The following ADGRG3 variants were observed in gnomAD, a reference collection of about 807,000 sequenced individuals.
ADGRG3 encodes adhesion G protein-coupled receptor G3, also known as G protein-coupled receptor 97.
In ADGRG3, 39 loss-of-function variants were observed where a neutral mutation model predicts 54.3. The observed-to-expected ratio is 0.72, with a 90% CI of 0.56 to 0.94. The LOEUF (loss-of-function observed/expected upper bound fraction) is 0.94, where lower values mean the gene tolerates loss of function less well. ADGRG3 is among the 40% of genes least tolerant of loss of function. The pLI, the probability that ADGRG3 is intolerant of heterozygous loss-of-function variation, is 0.00. For synonymous variants in ADGRG3, 312 were observed against 290.0 expected (o/e 1.08, Z -0.77); for missense variants, 654 against 694.6 (o/e 0.94, Z 0.66).
intron 8 of ADGRG3, among the ~76,000 whole-genome samples, chr16:57,681,375 T>TGTGC (rs1293950825): frequency 1.1e-5 from 1 of 94,554 alleles, no homozygotes; most frequent in African/African-American, 4.5e-5. Context: ...TGTGTGTGTG[T>TGTGC]GCGCGCGTGC....
chr16:57,666,382 T>C (rs2048059190), upstream of ADGRG3, among the ~76,000 whole-genome samples: 1 of 152,270 alleles, frequency 6.6e-6, no homozygotes, highest in South Asian at 2.1e-4. Context: ...AGTTCCATGC[T>C]GATCCTTTTA....
chr16:57,669,003 C>T lies in ADGRG3; in HGVS notation c.58+598C>T, dbSNP rs79966527. ...TGCGTCTCCAGAGGCCATGGAAGTG[C>T]CCGGGCCTTGCCTTTGCTGGCCTCT... On this transcript the variant is annotated intron_variant, in intron 1 of 11. Coordinates refer to ENST00000333493, the MANE Select transcript of ADGRG3 (RefSeq NM_170776.5). 9.1e-3 allele frequency among the ~76,000 whole-genome samples: 1,381 copies of T among 152,356 alleles called. 41 individuals carry two copies. Among genetic ancestry groups the T allele is most frequent in the African/African-American group, 0.032 (1,330 of 41,590 alleles).
chr16:57,679,321 C>T lies in ADGRG3; in HGVS notation c.627+10C>T, dbSNP rs1297356438. 2 of 1,613,298 alleles carry T rather than the reference C, an allele frequency of 1.2e-6. No homozygotes were observed. The highest frequency in any genetic ancestry group is 1.1e-5 in the South Asian group (1 of 91,080). ...CCAGCGACCGCCCCCTGTGAGTCCC[C>T]TGCTCAGGCCTGGCAGCCACTGCAG... is the stretch of plus-strand genomic sequence containing the variant. On this transcript the variant is annotated intron_variant, in intron 5 of 11. Coordinates refer to ENST00000333493, the MANE Select transcript of ADGRG3 (RefSeq NM_170776.5).
intron 1 of ADGRG3, among the ~76,000 whole-genome samples, chr16:57,671,340 T>G (rs1387501218): frequency 5.5e-5 from 8 of 144,964 alleles, no homozygotes; most frequent in Non-Finnish European, 1.1e-4. Context: ...GAGTTTTTTT[T>G]TTTTTTTTTT....
intron 10 of ADGRG3, 143 bp from the exon 11 acceptor site, chr16:57,685,500 C>T: frequency 2.6e-6 from 2 of 762,214 alleles, no homozygotes; most frequent in Non-Finnish European, 2.2e-6. Context: ...GTGACGGCCC[C>T]TCCCACAGCG....
At chr16:57,669,129 G>A (rs1327303346) in intron 1 of ADGRG3, among the ~76,000 whole-genome samples, 1 of 152,178 alleles carries the variant, frequency 6.6e-6, no homozygotes. Flanking sequence ...GACAGAGGGA[G>A]GTGCTCCCCC....
chr16:57,688,277 G>A (rs2048513870), intron 11 of ADGRG3, 75 bp from the exon 12 acceptor site: 2 of 935,042 alleles, frequency 2.1e-6, no homozygotes, highest in Non-Finnish European at 3.6e-6. Context: ...CTCCCTCTCA[G>A]CAGCCACCAG....
In ADGRG3 at chr16:57,679,117, C is replaced by T. The variant is rs540661499; in HGVS notation, c.493-60C>T. On this transcript the variant is annotated intron_variant, in intron 4 of 11. Transcript: ENST00000333493. The stretch of plus-strand genomic sequence containing the variant: ...TCCTGGAGGCTCCTAGGAACCCCAG[C>T]GTTGGTGGGTTGGGATGGCCCCTTC... The T allele has an allele frequency of 1.3e-4, 204 of 1,598,414 alleles. 3 individuals carry two copies. In the South Asian group the frequency reaches 2.2e-3, roughly 17 times the overall value.
chr16:57,676,352 C>G lies in ADGRG3; in HGVS notation c.345+14C>G. On this transcript the variant is annotated intron_variant, in intron 3 of 11. Coordinates refer to ENST00000333493, the MANE Select transcript of ADGRG3 (RefSeq NM_170776.5). ...GAGCCCTCTCAGGTGAAGAGCTCCC[C>G]AGCCCTCTTGGCTGGTTCGGACCCT... The G allele has an allele frequency of 6.2e-7, 1 of 1,612,814 alleles. No individual in the cohort carries two copies. Among genetic ancestry groups the G allele is most frequent in the Non-Finnish European group, 8.5e-7 (1 of 1,178,880 alleles).
intron 1 of ADGRG3, among the ~76,000 whole-genome samples, chr16:57,671,868 T>C (rs535094368): frequency 1.3e-5 from 2 of 152,266 alleles, no homozygotes; most frequent in Admixed American, 6.5e-5. Flanking sequence ...CTTCAAGATA[T>C]ATTGCTAGTC....
chr16:57,682,724 TG>T (rs1315236615), intron 8 of ADGRG3: 2 of 770,216 alleles, frequency 2.6e-6, no homozygotes, highest in Non-Finnish European at 3.2e-6. Context: ...GAATTCAGAG[TG>T]GGGGCTCCAG....
Position 57,680,544 on chromosome 16 carries a change from CGCAT to C in ADGRG3, c.809_812del (p.Arg270ProfsTer10). On this transcript the variant is annotated frameshift_variant, in exon 8 of 12. Transcript: ENST00000333493. LOFTEE classifies it high-confidence loss of function. ...CCAGTCCACGGTGCATATCCTCACACGCATCTCCCAGGCGGGCTGTGGGGTCTCC... is the reference window on the plus strand; with the variant it reads ...CCAGTCCACGGTGCATATCCTCACACCTCCCAGGCGGGCTGTGGGGTCTCC... The C allele has an allele frequency of 6.2e-7, 1 of 1,613,982 alleles. No homozygotes were observed. Among genetic ancestry groups the C allele is most frequent in the Non-Finnish European group, 8.5e-7 (1 of 1,179,944 alleles).
Position 57,680,603 on chromosome 16 carries a change from T to G in ADGRG3, c.867T>G (p.Leu289=). ...SMIFLAFTII[L]YAFLRLSRER... ...TCTTCCTGGCCTTCACCATTATTCT[T>G]TATGCCTTTCTGAGGTGAGTGATCC... The change falls in exon 8 of 12, where the codon CTT becomes CTG. Residue 289 remains leucine (L), a synonymous_variant. Coordinates refer to ENST00000333493, the MANE Select transcript of ADGRG3 (RefSeq NM_170776.5). The G allele has an allele frequency of 6.2e-7, 1 of 1,612,182 alleles. No homozygotes were observed. Among genetic ancestry groups the G allele is most frequent in the Non-Finnish European group, 8.5e-7 (1 of 1,178,334 alleles).
chr16:57,673,291 C>A, intron 1 of ADGRG3, 30 bp from the exon 2 acceptor site: 1 of 1,594,016 alleles, frequency 6.3e-7, no homozygotes, highest in East Asian at 2.3e-5. Context: ...TTCGTCCAGC[C>A]CATTCACACT....
At chr16:57,669,242 C>T (rs2048108876) in intron 1 of ADGRG3, among the ~76,000 whole-genome samples, 1 of 152,228 alleles carries the variant, frequency 6.6e-6, no homozygotes, top group African/African-American at 2.4e-5. Flanking sequence ...CCCTGTGTGT[C>T]CAGCGTGTGG....
rs141633085 is a variant in ADGRG3, at chr16:57,688,491, C to T, written c.*30C>T. On this transcript the variant is annotated 3_prime_UTR_variant, in exon 12 of 12. Transcript: ENST00000333493. ...GCACGGCCCTGCAATATGGACTCAG[C>T]TCTGGCTCTCTGTGTGACCTTGGGC... 8.7e-6 allele frequency: 11 copies of T among 1,266,138 alleles called. No homozygotes were observed. Among genetic ancestry groups the T allele is most frequent in the Non-Finnish European group, 1.3e-5 (11 of 862,606 alleles). The allele number at this position is 1,266,138 out of a possible 1,614,324, so 78.4% of individuals were successfully genotyped here.
intron 2 of ADGRG3, chr16:57,674,508 C>T (rs2048221735): frequency 2.3e-6 from 1 of 437,524 alleles, no homozygotes; most frequent in Non-Finnish European, 4.6e-6. Flanking sequence ...GCCCTGCGCT[C>T]TCAGGCTTGG....
intron 2 of ADGRG3, chr16:57,674,530 C>A: frequency 2.2e-6 from 1 of 450,080 alleles, no homozygotes; most frequent in Non-Finnish European, 4.5e-6. Flanking sequence ...GTTAGGACAG[C>A]CATCTCATTG....
rs764374465 is a variant in ADGRG3 at position 57,688,938 on chromosome 16, G to A, written c.*477G>A. 7 of 159,380 alleles carry A rather than the reference G, an allele frequency of 4.4e-5. No individual in the cohort carries two copies. Among genetic ancestry groups the A allele is most frequent in the Admixed American group, 1.8e-4 (3 of 16,716 alleles). The allele number at this position is 159,380 out of a possible 1,614,324, so 9.9% of individuals were successfully genotyped here. A position where few individuals can be genotyped will look rare whatever the true frequency, so the allele number is the denominator to read the frequency against. ...CTCAGGCACTGGGGGTTTGTTTTGG[G>A]GGGTGGGAGTTGATCCTCCCACCCA... On this transcript the variant is annotated 3_prime_UTR_variant, in exon 12 of 12. Coordinates refer to ENST00000333493, the MANE Select transcript of ADGRG3 (RefSeq NM_170776.5).
Sources: gnomAD v4.1 joint callset for allele counts (sites outside exome capture counted in the v4.1 genomes callset) on GRCh38, gnomAD v4.1.1 for gene constraint, MANE v1.5 for transcripts, NCBI Gene and HGNC (gene_info 2026-07-23, HGNC 2026-07-21) for gene names.